The following B4GALNT2 variants were observed in gnomAD, a reference collection of about 807,000 sequenced individuals.
B4GALNT2 encodes beta-1,4-N-acetyl-galactosaminyltransferase 2 (SID blood group), also known as N-acetylneuraminylgalactosylglucosyl-glucoside beta-1,4-N- acetylgalactosaminyltransferase 2.
In B4GALNT2, 42 loss-of-function variants were observed where a neutral mutation model predicts 51.1. The ratio of observed to expected loss-of-function variants is 0.82; its 90% CI spans 0.64 to 1.06. The LOEUF (loss-of-function observed/expected upper bound fraction) is 1.06, where lower values mean the gene tolerates loss of function less well. Ranked by LOEUF, B4GALNT2 falls within the 50% of genes least tolerant of loss-of-function variation. B4GALNT2 has a pLI of 0.00. For synonymous variants in B4GALNT2, 253 were observed against 251.7 expected (o/e 1.01, Z -0.05); for missense variants, 602 against 633.6 (o/e 0.95, Z 0.54).
At chr17:49,157,108 G>T (rs2042817563) in intron 5 of B4GALNT2, among the ~76,000 whole-genome samples, 2 of 152,168 alleles carry the variant, frequency 1.3e-5, no homozygotes, top group African/African-American at 4.8e-5. Context: ...GGTGATGAGT[G>T]AGCAGATCGG....
chr17:49,171,836 C>T lies in B4GALNT2; in HGVS notation c.*2108C>T. On this transcript the variant is annotated 3_prime_UTR_variant, in exon 11 of 11. Coordinates refer to ENST00000393354, the MANE Select transcript of B4GALNT2 (RefSeq NM_001159387.2). ...GTACATTCATTATTTCTGGCCAGGT[C>T]TAATTCTATTTACAAATAGGTTTTG... 1 of 365,772 alleles carries T rather than the reference C, an allele frequency of 2.7e-6. No individual in the cohort carries two copies. Among genetic ancestry groups the T allele is most frequent in the South Asian group, 2.1e-5 (1 of 47,048 alleles). The allele number at this position is 365,772 out of a possible 1,614,324, so 22.7% of individuals were successfully genotyped here.
intron 4 of B4GALNT2, among the ~76,000 whole-genome samples, chr17:49,155,459 G>A (rs867284007): frequency 8.6e-5 from 13 of 150,538 alleles, no homozygotes; most frequent in Admixed American, 4.6e-4. Flanking sequence ...AAAATTTGTC[G>A]AATGTGGTGG....
the B4GALNT2 span, among the ~76,000 whole-genome samples, chr17:49,121,821 G>C: frequency 6.6e-6 from 1 of 152,196 alleles, no homozygotes; most frequent in South Asian, 2.1e-4. Flanking sequence ...AGCTATCAGG[G>C]CTCCAGGTGG....
chr17:49,130,171 A>G (rs1395444753), upstream of B4GALNT2, among the ~76,000 whole-genome samples: 1 of 152,244 alleles, frequency 6.6e-6, no homozygotes, highest in Non-Finnish European at 1.5e-5. Context: ...CACCAATCAC[A>G]ACACTAATGT....
At chr17:49,130,152 A>C (rs1413582497), upstream of B4GALNT2, among the ~76,000 whole-genome samples, 1 of 152,254 alleles carries the variant, frequency 6.6e-6, no homozygotes, top group Non-Finnish European at 1.5e-5. Flanking sequence ...TTCACCTTGG[A>C]ACCACAATCA....
chr17:49,166,320 G>A lies in B4GALNT2; in HGVS notation c.1095+66G>A, dbSNP rs1049049810. ...GAGATGGAGAAGAGGGGAGAAGAGA[G>A]CGGGAAGAAATATATAAGAGAAGAG... On this transcript the variant is annotated intron_variant, in intron 9 of 10. Transcript: ENST00000393354. 5.4e-6 allele frequency: 7 copies of A among 1,297,518 alleles called. No homozygotes were observed. The African/African-American group carries it at 7.6e-5, about 14-fold the overall frequency. The allele number at this position is 1,297,518 out of a possible 1,614,324, so 80.4% of individuals were successfully genotyped here. A position where few individuals can be genotyped will look rare whatever the true frequency, so the allele number is the denominator to read the frequency against.
intron 5 of B4GALNT2, among the ~76,000 whole-genome samples, chr17:49,157,622 G>A (rs993949614): frequency 1.4e-4 from 21 of 151,908 alleles, no homozygotes; most frequent in African/African-American, 5.1e-4. Context: ...CTGGCCCCTG[G>A]TTACTTATTT....
intron 4 of B4GALNT2, 22 bp downstream of exon 4, chr17:49,152,928 G>A (rs2042773679): frequency 4.4e-6 from 7 of 1,575,228 alleles, no homozygotes; most frequent in Non-Finnish European, 6.1e-6. Context: ...CACATACCAA[G>A]AGACCCCAGA....
At chr17:49,168,639 T>C (rs753390971) in intron 9 of B4GALNT2, 42 bp from the exon 10 acceptor site, 10 of 1,578,840 alleles carry the variant, frequency 6.3e-6, no homozygotes, top group South Asian at 3.4e-5. Flanking sequence ...AGGATGAATA[T>C]TGATCTGCAC....
At position 49,174,958 on chromosome 17, in the gene B4GALNT2, C is replaced by T. The variant is rs1245777919; in HGVS notation, c.*5230C>T. 4 of 152,106 alleles carry T rather than the reference C, an allele frequency of 2.6e-5. No individual in the cohort carries two copies. 9.4% of individuals were successfully genotyped at this position (152,106 alleles called of 1,614,324 possible). On this transcript the variant is annotated 3_prime_UTR_variant, in exon 11 of 11. Coordinates refer to ENST00000393354, the MANE Select transcript of B4GALNT2 (RefSeq NM_001159387.2). ...AATTGCTCTAGAATTAGAACTTGTG[C>T]TATCCATTGTTGTAACAAATCTCTT...
rs534363545 is a variant in B4GALNT2, at chr17:49,171,331, G to C, written c.*1603G>C. The C allele has an allele frequency of 1.1e-4, 44 of 399,970 alleles. No homozygotes were observed. The Admixed American group carries it at 1.2e-3, about 11-fold the overall frequency. The allele number at this position is 399,970 out of a possible 1,614,324, so 24.8% of individuals were successfully genotyped here. A position where few individuals can be genotyped will look rare whatever the true frequency, so the allele number is the denominator to read the frequency against. On this transcript the variant is annotated 3_prime_UTR_variant, in exon 11 of 11. Coordinates refer to ENST00000393354, the MANE Select transcript of B4GALNT2 (RefSeq NM_001159387.2). ...CCAAGTGTCTTTATCCACTTTAATG[G>C]GTTAATATCTGCTAATCTGTCTGCA...
chr17:49,121,757 T>A, the B4GALNT2 span, among the ~76,000 whole-genome samples: 2 of 152,136 alleles, frequency 1.3e-5, no homozygotes, highest in Non-Finnish European at 2.9e-5. Flanking sequence ...TGGGGGAAGC[T>A]ATCCTCAGAC....
the B4GALNT2 span, among the ~76,000 whole-genome samples, chr17:49,126,947 A>G: frequency 6.6e-6 from 1 of 151,838 alleles, no homozygotes; most frequent in Non-Finnish European, 1.5e-5. Context: ...CAGGTGAACC[A>G]CCCGCCTTGG....
Position 49,164,212 on chromosome 17 carries a change from C to T in B4GALNT2, c.891C>T (p.Asp297=). 6.2e-7 allele frequency: 1 copy of T among 1,613,710 alleles called. No homozygotes were observed. The highest frequency in any genetic ancestry group is 8.5e-7 in the Non-Finnish European group (1 of 1,179,602). ...YPDLTVIVAD[D]SQKPLEIKDN... ...ACTTGACCGTAATAGTGGCTGATGA[C>T]AGCCAGAAGCCCCTGGAAATTAAAG... Residue 297 remains aspartate (D), a synonymous_variant, in exon 8 of 11, where the codon GAC becomes GAT. Transcript: ENST00000393354.
chr17:49,133,773 T>C (rs1447895805), intron 1 of B4GALNT2, among the ~76,000 whole-genome samples: 2 of 151,714 alleles, frequency 1.3e-5, no homozygotes, highest in South Asian at 2.1e-4. Flanking sequence ...ATTAGCCGGG[T>C]GTGGTGGCAA....
intron 3 of B4GALNT2, among the ~76,000 whole-genome samples, chr17:49,150,226 C>T (rs1294948689): frequency 2.1e-5 from 3 of 144,696 alleles, no homozygotes; most frequent in Non-Finnish European, 1.5e-5. Flanking sequence ...CCCGGCCAGC[C>T]GCCCCGTCCG....
chr17:49,141,378 C>T lies in B4GALNT2; in HGVS notation c.146C>T (p.Pro49Leu), dbSNP rs202077332. 6.8e-6 allele frequency: 11 copies of T among 1,614,012 alleles called. No homozygotes were observed. Among genetic ancestry groups the T allele is most frequent in the East Asian group, 2.2e-5 (1 of 44,882 alleles). ...SPKPELPSPA[P>L]GVQKLKLLPE... The stretch of plus-strand genomic sequence containing the variant: ...AAGCCAGAACTCCCAAGTCCTGCCC[C>T]GGGTGTCCAGAAGCTGAAGCTTCTG... Residue 49 changes from proline to leucine, a missense_variant, in exon 2 of 11, where the codon CCG becomes CTG. Transcript: ENST00000393354.
At chr17:49,147,392 T>TTTTA (rs2042705595) in intron 3 of B4GALNT2, among the ~76,000 whole-genome samples, 1 of 150,066 alleles carries the variant, frequency 6.7e-6, no homozygotes, top group African/African-American at 2.4e-5. Flanking sequence ...TTTTTTTTTT[T>TTTTA]GAGACAAGGT....
chr17:49,149,421 G>A (rs1349118536), intron 3 of B4GALNT2, among the ~76,000 whole-genome samples: 8 of 152,034 alleles, frequency 5.3e-5, no homozygotes, highest in African/African-American at 1.7e-4. Context: ...TGAGGTGGGC[G>A]GATCACTTGA....
Sources: allele counts gnomAD v4.1 joint callset (sites outside exome capture counted in the v4.1 genomes callset), GRCh38; gene constraint gnomAD v4.1.1; transcripts MANE v1.5; gene names NCBI Gene and HGNC (gene_info 2026-07-23, HGNC 2026-07-21).